The following KCNU1 variants were observed in gnomAD, a reference collection of about 807,000 sequenced individuals.
KCNU1 encodes the protein potassium calcium-activated channel subfamily U member 1.
A neutral mutation model predicts 126.8 loss-of-function variants in KCNU1; 93 were observed. That is an observed-to-expected ratio of 0.73 (90% CI 0.62 to 0.87). The LOEUF is 0.87. Ranked by LOEUF, KCNU1 falls within the 40% of genes least tolerant of loss-of-function variation. The probability of loss-of-function intolerance (pLI) is 0.00; values close to 1 mark genes in which losing one functional copy is unlikely to be tolerated. For missense variants in KCNU1, 1,330 were observed against 1,367.1 expected (o/e 0.97, Z 0.43); for synonymous variants, 523 against 494.2 (o/e 1.06, Z -0.77).
At chr8:36,805,839 A>G (rs1803479407) in intron 4 of KCNU1, among the ~76,000 whole-genome samples, 1 of 152,104 alleles carries the variant, frequency 6.6e-6, no homozygotes, top group African/African-American at 2.4e-5. Context: ...GGCATGCTAT[A>G]TATAAAAACA....
chr8:36,789,599 T>C (rs1326807236), intron 2 of KCNU1, among the ~76,000 whole-genome samples: 1 of 152,136 alleles, frequency 6.6e-6, no homozygotes, highest in Non-Finnish European at 1.5e-5. Context: ...AAACTTAAAT[T>C]CTAGTGGGGG....
At chr8:36,881,114 T>G (rs931030182) in intron 19 of KCNU1, among the ~76,000 whole-genome samples, 1 of 152,198 alleles carries the variant, frequency 6.6e-6, no homozygotes, top group African/African-American at 2.4e-5. Context: ...GGTCATTAGC[T>G]GCCGCCACTG....
At chr8:36,824,881 T>TATG (rs1804258802) in intron 10 of KCNU1, among the ~76,000 whole-genome samples, 2 of 152,200 alleles carry the variant, frequency 1.3e-5, no homozygotes, top group African/African-American at 4.8e-5. Context: ...TTGTCTTAAT[T>TATG]CATTCAGCCA....
At chr8:36,800,029 T>C (rs982561997) in intron 2 of KCNU1, among the ~76,000 whole-genome samples, 4 of 152,134 alleles carry the variant, frequency 2.6e-5, no homozygotes. Context: ...CTTCTGATTG[T>C]AGGCTGCATT....
chr8:36,827,483 G>T (rs1489871220), intron 10 of KCNU1, among the ~76,000 whole-genome samples: 1 of 152,090 alleles, frequency 6.6e-6, no homozygotes. Context: ...AAGAAAATTG[G>T]ACTCAACTCC....
At chr8:36,804,127 G>A (rs1456499510) in intron 3 of KCNU1, 39 bp downstream of exon 3, 2 of 1,366,944 alleles carry the variant, frequency 1.5e-6, no homozygotes, top group Admixed American at 2.0e-5. Flanking sequence ...TGCTATATCA[G>A]TACATTGCTC....
chr8:36,870,462 G>A (rs535201723), intron 19 of KCNU1, among the ~76,000 whole-genome samples: 5 of 151,968 alleles, frequency 3.3e-5, no homozygotes, highest in Admixed American at 2.6e-4. Context: ...ACACTTTATC[G>A]AATTCTGTGT....
chr8:36,793,196 G>A (rs1261543892), intron 2 of KCNU1, among the ~76,000 whole-genome samples: 1 of 138,964 alleles, frequency 7.2e-6, no homozygotes, highest in Non-Finnish European at 1.5e-5. Flanking sequence ...ACACACAGGG[G>A]CCTGTTGTGG....
At chr8:36,820,441 G>C (rs1020204696) in intron 10 of KCNU1, among the ~76,000 whole-genome samples, 1 of 151,986 alleles carries the variant, frequency 6.6e-6, no homozygotes, top group Non-Finnish European at 1.5e-5. Context: ...GGGTGATGGA[G>C]GAAGAACAGC....
intron 16 of KCNU1, among the ~76,000 whole-genome samples, chr8:36,842,381 T>A (rs1804989661): frequency 6.6e-6 from 1 of 152,162 alleles, no homozygotes; most frequent in African/African-American, 2.4e-5. Flanking sequence ...GTCAGTGGGA[T>A]TGTAAAAAGC....
intron 7 of KCNU1, among the ~76,000 whole-genome samples, chr8:36,812,159 C>A (rs1260521874): frequency 1.3e-5 from 2 of 152,032 alleles, no homozygotes; most frequent in African/African-American, 2.4e-5. Context: ...AGGGGCGGAT[C>A]TCCCGAGGTT....
chr8:36,840,495 C>A lies in KCNU1; in HGVS notation c.1551C>A (p.Phe517Leu), dbSNP rs1370231266. The A allele has an allele frequency of 1.2e-6, 2 of 1,609,934 alleles. No homozygotes were observed. The highest frequency in any genetic ancestry group is 1.7e-6 in the Non-Finnish European group (2 of 1,176,972). Reference sequence around the variant, plus strand: ...CTAAACAGACCTGGAAGAAACACTTCTTGAATAGCATGAAAAACAAAATTC... The same window carrying A: ...CTAAACAGACCTGGAAGAAACACTTATTGAATAGCATGAAAAACAAAATTC... ...VMPKQTWKKH[F>L]LNSMKNKILT... Residue 517 changes from phenylalanine to leucine, a missense_variant, in exon 15 of 27, where the codon TTC (phenylalanine) becomes TTA (leucine). This residue lies in a region of KCNU1 where 1,054 missense variants were observed against 1,053.9 expected (regional missense o/e 1.00). Coordinates refer to ENST00000399881, the MANE Select transcript of KCNU1 (RefSeq NM_001031836.3).
chr8:36,841,034 GTTT>G (rs756308750), intron 16 of KCNU1, 31 bp downstream of exon 16: 4,971 of 556,458 alleles, frequency 8.9e-3, no homozygotes, highest in Middle Eastern at 0.012. Context: ...CTCTTCAGTT[GTTT>G]TTTTTTTTTT....
At chr8:36,905,338 T>C (rs1404663171) in intron 19 of KCNU1, among the ~76,000 whole-genome samples, 1 of 152,120 alleles carries the variant, frequency 6.6e-6, no homozygotes, top group African/African-American at 2.4e-5. Context: ...CTCACAGCTG[T>C]TTAAATTCTA....
intron 25 of KCNU1, among the ~76,000 whole-genome samples, chr8:36,932,551 A>G (rs1808733116): frequency 6.6e-6 from 1 of 152,056 alleles, no homozygotes; most frequent in Non-Finnish European, 1.5e-5. Flanking sequence ...ATGACTCCTC[A>G]AGAGTTCATT....
intron 18 of KCNU1, among the ~76,000 whole-genome samples, chr8:36,852,238 G>T (rs537923320): frequency 1.3e-5 from 2 of 152,180 alleles, no homozygotes; most frequent in Non-Finnish European, 2.9e-5. Context: ...TCATAGAATA[G>T]AATCTTTTTT....
intron 19 of KCNU1, among the ~76,000 whole-genome samples, chr8:36,897,369 C>T (rs1310577512): frequency 6.6e-6 from 1 of 151,856 alleles, no homozygotes; most frequent in Non-Finnish European, 1.5e-5. Flanking sequence ...CAACTAAGTA[C>T]AAAACATTTA....
intron 19 of KCNU1, among the ~76,000 whole-genome samples, chr8:36,875,534 A>C (rs1363495048): frequency 6.6e-6 from 1 of 151,776 alleles, no homozygotes; most frequent in Non-Finnish European, 1.5e-5. Context: ...CAAAGTTTAC[A>C]GACTTTGATT....
Position 36,935,744 on chromosome 8 carries a change from T to C in KCNU1, c.3274T>C (p.Tyr1092His), listed in dbSNP as rs1250190322. The change falls in exon 27 of 27, where the codon TAC becomes CAC. Residue 1092 changes from tyrosine (Y) to histidine (H), a missense_variant. By Grantham distance (83) the Tyr-to-His change is moderately conservative (BLOSUM62 2). This residue lies in a region of KCNU1 where 1,054 missense variants were observed against 1,053.9 expected (regional missense o/e 1.00). Transcript: ENST00000399881. The part of the protein sequence containing the change: ...TETLYSPVYS[Y>H]QPRTNSLSFP... ...GACATTGTATTCACCAGTCTATTCT[T>C]ACCAGCCGAGAACTAACTCCCTCTC... 2 of 1,613,416 alleles carry C rather than the reference T, an allele frequency of 1.2e-6. No individual in the cohort carries two copies. The highest frequency in any genetic ancestry group is 2.2e-5 in the South Asian group (2 of 91,070).
Sources: gnomAD v4.1 joint callset for allele counts (sites outside exome capture counted in the v4.1 genomes callset) on GRCh38, gnomAD v4.1.1 for gene constraint, gnomAD v4.1.1 regional missense constraint, MANE v1.5 for transcripts, NCBI Gene and HGNC (gene_info 2026-07-23, HGNC 2026-07-21) for gene names.